Variants in TPGS2 observed in about 807,000 individuals in gnomAD.
TPGS2 encodes the protein polyglutamylase subunit 2.
In TPGS2, 26 loss-of-function variants were observed where a neutral mutation model predicts 31.1. That is an observed-to-expected ratio of 0.84 (90% CI 0.61 to 1.16). The LOEUF (loss-of-function observed/expected upper bound fraction) is 1.16, where lower values mean the gene tolerates loss of function less well. Among genes scored for constraint, TPGS2 ranks in the 50% most tolerant of loss-of-function variants. The pLI, the probability that TPGS2 is intolerant of heterozygous loss-of-function variation, is 0.00. For missense variants in TPGS2, 351 were observed against 363.8 expected (o/e 0.96, Z 0.29); for synonymous variants, 130 against 136.6 (o/e 0.95, Z 0.34).
rs2045067505 is a variant in TPGS2 at position 36,805,394 on chromosome 18, A to C, written c.362T>G (p.Leu121Arg). 1 of 1,613,988 alleles carries C rather than the reference A, an allele frequency of 6.2e-7. No individual in the cohort carries two copies. Among genetic ancestry groups the C allele is most frequent in the Non-Finnish European group, 8.5e-7 (1 of 1,179,860 alleles). The part of the protein sequence containing the change: ...SLPNAPTLAD[L>R]EDDTHEASDD... ...CCTACCTTCATGTGTATCGTCCTCC[A>C]GGTCTGCCAGAGTGGGTGCATTAGG... The change falls in exon 4 of 7, where the codon CTG becomes CGG. Residue 121 changes from leucine to arginine, a missense_variant. Coordinates refer to ENST00000334295, the MANE Select transcript of TPGS2 (RefSeq NM_015476.4).
rs576163387 is a variant in TPGS2 at position 36,796,936 on chromosome 18, T to C, written c.772A>G (p.Ile258Val). The C allele has an allele frequency of 6.2e-7, 1 of 1,609,264 alleles. No individual in the cohort carries two copies. The highest frequency in any genetic ancestry group is 1.3e-5 in the African/African-American group (1 of 74,722). ...GGCCCTTTCTTTTTTGGGATTACGA[T>C]CTTGTTCTTGCTCTTAAACACTTTG... Reference protein sequence around the residue: ...PSKVFKSKNKIVIPKKKGPVQ... With the variant: ...PSKVFKSKNKVVIPKKKGPVQ... The change falls in exon 7 of 7, where the codon ATC becomes GTC. Residue 258 changes from isoleucine to valine, a missense_variant. Physicochemically the swap from Ile to Val is conservative, Grantham distance 29 (BLOSUM62 3). Coordinates refer to ENST00000334295, the MANE Select transcript of TPGS2 (RefSeq NM_015476.4).
In TPGS2 at chr18:36,794,832, A is replaced by AACACACACACACACACACACACAC. The variant is rs60958340; in HGVS notation, c.*1949_*1972dup. On this transcript the variant is annotated 3_prime_UTR_variant, in exon 7 of 7. Transcript: ENST00000334295. ...TATGTGACAGTCATGTTATGGTTAA[A>AACACACACACACACACACACACAC]ACACACACACACACACACACACACA... 1.3e-6 allele frequency: 1 copy of AACACACACACACACACACACACAC among 760,022 alleles called. No homozygotes were observed. Among genetic ancestry groups the AACACACACACACACACACACACAC allele is most frequent in the African/African-American group, 2.0e-5 (1 of 48,960 alleles). 47.1% of individuals were successfully genotyped at this position (760,022 alleles called of 1,614,324 possible).
chr18:36,794,151 C>A lies in TPGS2; in HGVS notation c.*2654G>T. 2.1e-6 allele frequency: 1 copy of A among 470,702 alleles called. No homozygotes were observed. The highest frequency in any genetic ancestry group is 9.0e-5 in the South Asian group (1 of 11,138). The allele number at this position is 470,702 out of a possible 1,614,324, so 29.2% of individuals were successfully genotyped here. On this transcript the variant is annotated 3_prime_UTR_variant, in exon 7 of 7. Transcript: ENST00000334295. ...TTTTAGTTAGAACAGCATTAAGTAG[C>A]AAATAAAAAACACAGCCATAACAAG...
chr18:36,794,926 T>C lies in TPGS2; in HGVS notation c.*1879A>G. ...AATTATAAGTGGTTAGTTTTGGGAT[T>C]GAAAAGGTAAGAGGTCTCGCTATTT... On this transcript the variant is annotated 3_prime_UTR_variant, in exon 7 of 7. Coordinates refer to ENST00000334295, the MANE Select transcript of TPGS2 (RefSeq NM_015476.4). The C allele has an allele frequency of 3.0e-6, 3 of 983,918 alleles. No homozygotes were observed. The highest frequency in any genetic ancestry group is 3.6e-6 in the Non-Finnish European group (3 of 829,866). The allele number at this position is 983,918 out of a possible 1,614,324, so 60.9% of individuals were successfully genotyped here. A position where few individuals can be genotyped will look rare whatever the true frequency, so the allele number is the denominator to read the frequency against.
chr18:36,783,547 G>A (rs1600709107), intron 6 of TPGS2, among the ~76,000 whole-genome samples: 1 of 152,138 alleles, frequency 6.6e-6, no homozygotes, highest in Non-Finnish European at 1.5e-5. Context: ...GGAGTGGGAG[G>A]GTGCACAGGG....
At chr18:36,814,345 A>G (rs2045561318) in intron 2 of TPGS2, among the ~76,000 whole-genome samples, 1 of 152,246 alleles carries the variant, frequency 6.6e-6, no homozygotes, top group South Asian at 2.1e-4. Context: ...ATACAACTGC[A>G]CAGAGGCAGA....
intron 6 of TPGS2, among the ~76,000 whole-genome samples, chr18:36,783,305 C>G (rs1284092507): frequency 1.3e-5 from 2 of 152,154 alleles, no homozygotes; most frequent in Non-Finnish European, 2.9e-5. Flanking sequence ...CTTCAAGAAG[C>G]ATGAAAGTGA....
At chr18:36,804,918 A>G (rs2045037353) in intron 4 of TPGS2, among the ~76,000 whole-genome samples, 1 of 152,168 alleles carries the variant, frequency 6.6e-6, no homozygotes, top group Non-Finnish European at 1.5e-5. Flanking sequence ...TTCCTCAACC[A>G]TAAGGATGAA....
At position 36,796,330 on chromosome 18, in the gene TPGS2, T is replaced by A. The variant is rs575880317; in HGVS notation, c.*475A>T. The A allele has an allele frequency of 2.1e-6, 2 of 974,526 alleles. No homozygotes were observed. Among genetic ancestry groups the A allele is most frequent in the South Asian group, 9.5e-5 (2 of 21,034 alleles). The allele number at this position is 974,526 out of a possible 1,614,324, so 60.4% of individuals were successfully genotyped here. A position where few individuals can be genotyped will look rare whatever the true frequency, so the allele number is the denominator to read the frequency against. ...CATATCTTTGTGCTAATACAGAATC[T>A]ACCAGCCACATGAATACTCAAAATG... On this transcript the variant is annotated 3_prime_UTR_variant, in exon 7 of 7. Coordinates refer to ENST00000334295, the MANE Select transcript of TPGS2 (RefSeq NM_015476.4).
rs1326117720 is a variant in TPGS2 at position 36,795,641 on chromosome 18, A to G, written c.*1164T>C. 12 of 985,490 alleles carry G rather than the reference A, an allele frequency of 1.2e-5. No individual in the cohort carries two copies. Among genetic ancestry groups the G allele is most frequent in the Non-Finnish European group, 1.4e-5 (12 of 829,950 alleles). 61.0% of individuals were successfully genotyped at this position (985,490 alleles called of 1,614,324 possible). A position where few individuals can be genotyped will look rare whatever the true frequency, so the allele number is the denominator to read the frequency against. The stretch of plus-strand genomic sequence containing the variant: ...TTTCATTAAATGTAGTAGGTATGTC[A>G]GATTTATCTTGTGTCAAATATTAAG... On this transcript the variant is annotated 3_prime_UTR_variant, in exon 7 of 7. Coordinates refer to ENST00000334295, the MANE Select transcript of TPGS2 (RefSeq NM_015476.4).
At chr18:36,810,521 G>A (rs574537400) in intron 2 of TPGS2, among the ~76,000 whole-genome samples, 2 of 152,258 alleles carry the variant, frequency 1.3e-5, no homozygotes, top group South Asian at 4.1e-4. Context: ...AGGAGGGCAG[G>A]GAGGAGGAAG....
downstream of TPGS2, among the ~76,000 whole-genome samples, chr18:36,791,346 G>A (rs946586682): frequency 6.6e-6 from 1 of 152,222 alleles, no homozygotes; most frequent in African/African-American, 2.4e-5. Flanking sequence ...AGAGGACAGA[G>A]GCAAGGTGAC....
At chr18:36,786,760 C>G (rs900111098) in intron 6 of TPGS2, 1 of 1,217,034 alleles carries the variant, frequency 8.2e-7, no homozygotes, top group Non-Finnish European at 1.0e-6. Flanking sequence ...CTAAGGTTCT[C>G]TGGAGTCCCC....
intron 2 of TPGS2, among the ~76,000 whole-genome samples, chr18:36,814,673 C>G (rs2045576813): frequency 6.6e-6 from 1 of 152,182 alleles, no homozygotes; most frequent in African/African-American, 2.4e-5. Flanking sequence ...TTTCCCACAT[C>G]AAAATGCTTC....
At chr18:36,789,316 G>C (rs1016206897), downstream of TPGS2, 1 of 152,156 alleles carries the variant, frequency 6.6e-6, no homozygotes, top group Admixed American at 6.5e-5. Flanking sequence ...AACAAGCCGT[G>C]CTTGCTCTAA....
chr18:36,796,639 CACT>C lies in TPGS2; in HGVS notation c.*163_*165del. 1 of 1,400,052 alleles carries C rather than the reference CACT, an allele frequency of 7.1e-7. No homozygotes were observed. Among genetic ancestry groups the C allele is most frequent in the Non-Finnish European group, 9.2e-7 (1 of 1,082,576 alleles). 86.7% of individuals were successfully genotyped at this position (1,400,052 alleles called of 1,614,324 possible). A position where few individuals can be genotyped will look rare whatever the true frequency, so the allele number is the denominator to read the frequency against. On this transcript the variant is annotated 3_prime_UTR_variant, in exon 7 of 7. Coordinates refer to ENST00000334295, the MANE Select transcript of TPGS2 (RefSeq NM_015476.4). Reference sequence around the variant, plus strand: ...ACAGCACAACCTGCTCTGGAGGCCTCACTACGAGCCTGGCTAATGTCGGTGGGA... The same window carrying C: ...ACAGCACAACCTGCTCTGGAGGCCTCACGAGCCTGGCTAATGTCGGTGGGA...
intron 2 of TPGS2, chr18:36,818,605 C>T (rs1387658974): frequency 6.2e-6 from 2 of 320,844 alleles, no homozygotes; most frequent in East Asian, 5.3e-5. Context: ...CTTATTAACA[C>T]ATATCCTTTC....
At chr18:36,826,440 G>GTGTGTT (rs2046140155) in intron 1 of TPGS2, among the ~76,000 whole-genome samples, 1 of 149,300 alleles carries the variant, frequency 6.7e-6, no homozygotes, top group Non-Finnish European at 1.5e-5. Flanking sequence ...GTGTGTGTGT[G>GTGTGTT]TGGATTCCTT....
chr18:36,798,518 G>A lies in TPGS2; in HGVS notation c.588C>T (p.Leu196=). The A allele has an allele frequency of 6.2e-7, 1 of 1,614,224 alleles. No individual in the cohort carries two copies. The highest frequency in any genetic ancestry group is 1.6e-4 in the Middle Eastern group (1 of 6,062). ...ACTGGGGCAGGCCCAGGTGGGTGATGAGCAGGCGGTAATAGGCAGTAAAGG... is the reference window on the plus strand; with the variant it reads ...ACTGGGGCAGGCCCAGGTGGGTGATAAGCAGGCGGTAATAGGCAGTAAAGG... ...TDTFTAYYRL[L]ITHLGLPQWQ... The change falls in exon 6 of 7, where the codon CTC becomes CTT. Residue 196 remains leucine (L), a synonymous_variant. Coordinates refer to ENST00000334295, the MANE Select transcript of TPGS2 (RefSeq NM_015476.4).
Sources: allele counts gnomAD v4.1 joint callset (sites outside exome capture counted in the v4.1 genomes callset), GRCh38; gene constraint gnomAD v4.1.1; transcripts MANE v1.5; gene names NCBI Gene and HGNC (gene_info 2026-07-23, HGNC 2026-07-21).